RARB: variants seen among roughly 807,000 people sequenced by gnomAD.
The protein encoded by RARB is HBV-activated protein.
RARB carries 17 observed loss-of-function variants against 51.9 expected under a neutral mutation model. The ratio of observed to expected loss-of-function variants is 0.33; its 90% CI spans 0.22 to 0.49. RARB has a LOEUF of 0.49. RARB is among the 20% of genes least tolerant of loss of function. The pLI, the probability that RARB is intolerant of heterozygous loss-of-function variation, is 0.99. For synonymous variants in RARB, 215 were observed against 195.4 expected, an observed-to-expected ratio of 1.10 and a Z score of -0.84; for missense variants, 369 against 550.8, an observed-to-expected ratio of 0.67 and a Z score of 3.30.
At chr3:25,277,142 C>G (rs1166193864) in intron 5 of RARB, among the ~76,000 whole-genome samples, 1 of 152,172 alleles carries the variant, frequency 6.6e-6, no homozygotes, top group Non-Finnish European at 1.5e-5. Context: ...AGAAAAGAAG[C>G]TCAAACCTTC....
At chr3:25,288,149 A>T (rs942982728) in intron 5 of RARB, among the ~76,000 whole-genome samples, 3 of 152,208 alleles carry the variant, frequency 2.0e-5, no homozygotes, top group Non-Finnish European at 1.5e-5. Flanking sequence ...AAATACTATA[A>T]AGAAGCTACA....
chr3:25,198,013 C>G (rs1200470288), intron 5 of RARB, among the ~76,000 whole-genome samples: 1 of 151,762 alleles, frequency 6.6e-6, no homozygotes, highest in East Asian at 1.9e-4. Context: ...GGAAGAATCA[C>G]ATTACCTGAC....
In RARB at chr3:25,014,888, T is replaced by C. The variant is rs538427730; in HGVS notation, c.-379-45237T>C. Among the ~76,000 whole-genome samples, 90 of 152,282 alleles carry C rather than the reference T, an allele frequency of 5.9e-4. 1 individual carries two copies. The highest frequency in any genetic ancestry group is 2.1e-3 in the African/African-American group (87 of 41,564). ...AAGTTCACCTCTCCTCCTATTTTGG[T>C]TATATTTCCCTAACTTTGTTTATAC... On this transcript the variant is annotated intron_variant, in intron 2 of 11. Coordinates refer to the RARB transcript ENST00000383772.
chr3:25,497,625 A>T (rs981066855), intron 2 of RARB, among the ~76,000 whole-genome samples: 1 of 152,110 alleles, frequency 6.6e-6, no homozygotes, highest in African/African-American at 2.4e-5. Flanking sequence ...TTAGTCCCAG[A>T]TGGTTGTGAC....
chr3:25,023,593 T>A (rs1018758328), intron 2 of RARB, among the ~76,000 whole-genome samples: 1 of 152,150 alleles, frequency 6.6e-6, no homozygotes, highest in Non-Finnish European at 1.5e-5. Flanking sequence ...AACTAGAATT[T>A]GCATTTTCAG....
At chr3:25,457,644 TG>T (rs1694986188) in intron 1 of RARB, among the ~76,000 whole-genome samples, 1 of 152,236 alleles carries the variant, frequency 6.6e-6, no homozygotes, top group South Asian at 2.1e-4. Flanking sequence ...CCAAGTTTCT[TG>T]GGTATTAAAT....
chr3:25,205,682 C>T (rs1485341462), intron 5 of RARB, among the ~76,000 whole-genome samples: 2 of 151,858 alleles, frequency 1.3e-5, no homozygotes, highest in East Asian at 1.9e-4. Context: ...TCTCATGTGC[C>T]TCATAAATAT....
intron 3 of RARB, among the ~76,000 whole-genome samples, chr3:25,130,137 C>A (rs1294857217): frequency 6.6e-6 from 1 of 151,980 alleles, no homozygotes; most frequent in Non-Finnish European, 1.5e-5. Context: ...ACATGACAGG[C>A]CTCTTTTATG....
At chr3:25,375,045 C>T (rs769553216) in intron 5 of RARB, among the ~76,000 whole-genome samples, 10 of 151,986 alleles carry the variant, frequency 6.6e-5, no homozygotes, top group African/African-American at 1.2e-4. Context: ...AAACTTAAAG[C>T]GAGAGAAATA....
At chr3:25,246,506 T>C (rs986211723) in intron 5 of RARB, among the ~76,000 whole-genome samples, 1 of 152,166 alleles carries the variant, frequency 6.6e-6, no homozygotes, top group Non-Finnish European at 1.5e-5. Context: ...AGTTTTTGCA[T>C]GGTTGTCCTT....
chr3:24,872,724 A>C (rs982608664), intron 2 of RARB, among the ~76,000 whole-genome samples: 1 of 152,166 alleles, frequency 6.6e-6, no homozygotes, highest in Non-Finnish European at 1.5e-5. Flanking sequence ...CCCATGACCC[A>C]AACTTCTACC....
intron 2 of RARB, among the ~76,000 whole-genome samples, chr3:25,046,068 G>A (rs1438896660): frequency 6.6e-6 from 1 of 152,206 alleles, no homozygotes; most frequent in Non-Finnish European, 1.5e-5. Flanking sequence ...AGTCTGCCCG[G>A]CTCTTTTGGT....
chr3:24,892,542 T>C (rs1703405965), intron 2 of RARB, among the ~76,000 whole-genome samples: 1 of 152,230 alleles, frequency 6.6e-6, no homozygotes, highest in Non-Finnish European at 1.5e-5. Flanking sequence ...ATGAGGCTTT[T>C]GCAAATTTGT....
rs1442683613 is a variant in RARB, at chr3:25,206,287, T to A, written c.178+31712T>A. Among the ~76,000 whole-genome samples, 4 of 152,352 alleles carry A rather than the reference T, an allele frequency of 2.6e-5. No homozygotes were observed. The South Asian group carries it at 6.2e-4, about 24-fold the overall frequency. On this transcript the variant is annotated intron_variant, in intron 5 of 11. Coordinates refer to the RARB transcript ENST00000383772. ...ACTAGCTAGTGTTCTTACATAAATT[T>A]GATATTTTTAAGGCATTGCCAAGTG...
intron 1 of RARB, among the ~76,000 whole-genome samples, chr3:24,838,667 G>A (rs1221099073): frequency 6.6e-6 from 1 of 152,170 alleles, no homozygotes; most frequent in Admixed American, 6.5e-5. Flanking sequence ...CCTCCAAAAA[G>A]TAAGCTTAAA....
intron 5 of RARB, among the ~76,000 whole-genome samples, chr3:25,343,356 C>G (rs957627543): frequency 1.3e-5 from 2 of 152,098 alleles, no homozygotes; most frequent in Admixed American, 6.6e-5. Flanking sequence ...TAAACACTTA[C>G]AGTTTTCTCC....
chr3:25,334,966 T>C (rs899953807), intron 5 of RARB, among the ~76,000 whole-genome samples: 17 of 152,254 alleles, frequency 1.1e-4, no homozygotes, highest in East Asian at 9.7e-4. Context: ...TAAGAAACAA[T>C]TTGACTTTCT....
chr3:24,869,459 G>T (rs959052225), intron 2 of RARB, among the ~76,000 whole-genome samples: 2 of 152,012 alleles, frequency 1.3e-5, no homozygotes, highest in African/African-American at 4.8e-5. Context: ...ATTATAACAA[G>T]CTTGATGTGG....
chr3:24,949,883 C>A (rs1241752542), intron 2 of RARB, among the ~76,000 whole-genome samples: 4 of 152,180 alleles, frequency 2.6e-5, no homozygotes, highest in Admixed American at 6.5e-5. Flanking sequence ...AAAAAAAATA[C>A]TAGCCTACAT....
Sources: gnomAD v4.1 joint callset for allele counts (sites outside exome capture counted in the v4.1 genomes callset) on GRCh38, gnomAD v4.1.1 for gene constraint, MANE v1.5 for transcripts, NCBI Gene and HGNC (gene_info 2026-07-23, HGNC 2026-07-21) for gene names.